ARHGAP32: variants seen among roughly 807,000 people sequenced by gnomAD.
The protein encoded by ARHGAP32 is rho GTPase-activating protein 32.
Under a neutral mutation model 186.5 loss-of-function variants are expected in ARHGAP32, and 51 were observed. The ratio of observed to expected loss-of-function variants is 0.27; its 90% CI spans 0.22 to 0.35. ARHGAP32 has a LOEUF of 0.35. Ranked by LOEUF, ARHGAP32 falls within the 10% of genes least tolerant of loss-of-function variation. The pLI is 1.00. For synonymous variants in ARHGAP32, 950 were observed against 964.3 expected, an observed-to-expected ratio of 0.99 and a Z score of 0.27; for missense variants, 2,186 against 2,623.5, an observed-to-expected ratio of 0.83 and a Z score of 3.64.
chr11:129,128,351 C>T (rs1286422813), intron 2 of ARHGAP32, among the ~76,000 whole-genome samples: 1 of 152,088 alleles, frequency 6.6e-6, no homozygotes, highest in Non-Finnish European at 1.5e-5. Context: ...AACATGTGTA[C>T]ATATTTTACT....
chr11:129,206,303 G>A (rs11221606), intron 1 of ARHGAP32, among the ~76,000 whole-genome samples: 29,452 of 151,894 alleles, frequency 0.19, 3,049 homozygotes, highest in Non-Finnish European at 0.22. Context: ...CATCAACCTC[G>A]TGGGCTTAAG....
intron 5 of ARHGAP32, among the ~76,000 whole-genome samples, chr11:129,100,162 C>T (rs1941852444): frequency 6.6e-6 from 1 of 152,186 alleles, no homozygotes; most frequent in Admixed American, 6.5e-5. Context: ...CAGGAGCATC[C>T]ATAGCAGAGC....
intron 5 of ARHGAP32, among the ~76,000 whole-genome samples, chr11:129,113,693 C>G (rs1313017657): frequency 1.3e-5 from 2 of 151,974 alleles, no homozygotes; most frequent in Non-Finnish European, 2.9e-5. Flanking sequence ...AGTTCAAACC[C>G]ATGTTGTTCA....
intron 6 of ARHGAP32, among the ~76,000 whole-genome samples, chr11:129,089,470 G>C (rs958815833): frequency 6.6e-6 from 1 of 152,218 alleles, no homozygotes. Context: ...CAAGAGCACA[G>C]TGTGAACGGA....
Position 128,974,187 on chromosome 11 carries a change from T to G in ARHGAP32, c.3010A>C (p.Lys1004Gln). 1 of 1,614,236 alleles carries G rather than the reference T, an allele frequency of 6.2e-7. No homozygotes were observed. Among genetic ancestry groups the G allele is most frequent in the East Asian group, 2.2e-5 (1 of 44,888 alleles). The stretch of plus-strand genomic sequence containing the variant: ...CTGCTTGAGACAGACTGATCCTCTT[T>G]CCCTGGCAATTCTACTTCTTCAGCA... ...VAAEEVELPG[K>Q]EDQSVSSSQS... is the part of the protein sequence containing the mutation. Residue 1004 changes from lysine to glutamine, a missense_variant, in exon 21 of 23, where the codon AAA becomes CAA. Physicochemically the swap from Lys to Gln is moderately conservative, Grantham distance 53. This residue lies in a region of ARHGAP32 where 1,502 missense variants were observed against 1,570.0 expected (regional missense o/e 0.96). Transcript: ENST00000682385.
intron 5 of ARHGAP32, among the ~76,000 whole-genome samples, chr11:129,110,238 A>T (rs906901192): frequency 2.6e-5 from 4 of 152,100 alleles, no homozygotes; most frequent in African/African-American, 9.7e-5. Context: ...ACTTTATAAA[A>T]AAAATTTGGC....
Position 129,190,971 on chromosome 11 carries a change from A to G in ARHGAP32, c.116+1112T>C, listed in dbSNP as rs931376433. The stretch of plus-strand genomic sequence containing the variant: ...TTTATACTCTGAAAATTATTCTTTT[A>G]AAATTTTAAATATACTTCTCATTTA... On this transcript the variant is annotated intron_variant, in intron 1 of 22. Coordinates refer to ENST00000682385, the MANE Select transcript of ARHGAP32 (RefSeq NM_001378024.1). Among the ~76,000 whole-genome samples, 4 of 152,250 alleles carry G rather than the reference A, an allele frequency of 2.6e-5. No individual in the cohort carries two copies. The East Asian group carries it at 5.8e-4, about 22-fold the overall frequency.
At chr11:129,092,886 T>G (rs1476496702) in intron 6 of ARHGAP32, among the ~76,000 whole-genome samples, 1 of 152,006 alleles carries the variant, frequency 6.6e-6, no homozygotes, top group Non-Finnish European at 1.5e-5. Context: ...TTCTTTACAA[T>G]GACTAATTCA....
intron 5 of ARHGAP32, among the ~76,000 whole-genome samples, chr11:129,097,724 AAGAG>A (rs1941776142): frequency 2.0e-5 from 3 of 152,322 alleles, no homozygotes; most frequent in South Asian, 4.1e-4. Flanking sequence ...AGAATAAAAA[AAGAG>A]AGAGAAGGGA....
chr11:129,213,421 A>G (rs1186336134), intron 1 of ARHGAP32, among the ~76,000 whole-genome samples: 1 of 152,164 alleles, frequency 6.6e-6, no homozygotes, highest in Non-Finnish European at 1.5e-5. Flanking sequence ...ACAGCCGGTA[A>G]TAATATGAGA....
intron 10 of ARHGAP32, among the ~76,000 whole-genome samples, chr11:129,059,727 T>C (rs1188907027): frequency 6.6e-6 from 1 of 152,068 alleles, no homozygotes; most frequent in Non-Finnish European, 1.5e-5. Flanking sequence ...CTTGAACTCC[T>C]GACCTCATGA....
chr11:129,228,400 A>G (rs772598557), intron 1 of ARHGAP32, among the ~76,000 whole-genome samples: 1 of 152,228 alleles, frequency 6.6e-6, no homozygotes, highest in Non-Finnish European at 1.5e-5. Context: ...AAATAAGAGT[A>G]AAATCAACAA....
intron 1 of ARHGAP32, among the ~76,000 whole-genome samples, chr11:129,212,776 C>T (rs1192484526): frequency 1.3e-5 from 2 of 152,084 alleles, no homozygotes. Context: ...CCAATTTGAT[C>T]ATTAAACATT....
intron 6 of ARHGAP32, among the ~76,000 whole-genome samples, chr11:129,088,995 CAAAAAAAAAAAAAA>C (rs10601798): frequency 1.2e-5 from 1 of 84,768 alleles, no homozygotes; most frequent in Non-Finnish European, 2.4e-5. Flanking sequence ...GAGACCTTGT[CAAAAAAAAAAAAAA>C]AAAAAAAAAG....
chr11:129,191,544 G>A (rs893588612), intron 1 of ARHGAP32, among the ~76,000 whole-genome samples: 9 of 152,022 alleles, frequency 5.9e-5, no homozygotes, highest in Admixed American at 2.0e-4. Context: ...TTGGGGGAAA[G>A]GGGGCATGAG....
intron 11 of ARHGAP32, among the ~76,000 whole-genome samples, chr11:129,032,857 G>A (rs12804686): frequency 0.033 from 5,008 of 152,208 alleles, 121 homozygotes; most frequent in South Asian, 0.082. Flanking sequence ...TGACATTTCC[G>A]TATAATTCCC....
intron 11 of ARHGAP32, among the ~76,000 whole-genome samples, chr11:129,035,841 C>T (rs895103228): frequency 6.7e-6 from 1 of 150,222 alleles, no homozygotes; most frequent in Admixed American, 6.6e-5. Context: ...AAGACTCCAT[C>T]AAAAAAAGAA....
intron 1 of ARHGAP32, among the ~76,000 whole-genome samples, chr11:129,183,309 CAA>C (rs1483143434): frequency 6.6e-6 from 1 of 152,026 alleles, no homozygotes. Context: ...CTTTTTCCTA[CAA>C]AGTTTCTTGG....
At chr11:129,021,936 C>T (rs1174120042) in intron 11 of ARHGAP32, among the ~76,000 whole-genome samples, 1 of 151,914 alleles carries the variant, frequency 6.6e-6, no homozygotes, top group African/African-American at 2.4e-5. Flanking sequence ...ATTCCTGACA[C>T]TTAAAGTATT....
Sources: allele counts gnomAD v4.1 joint callset (sites outside exome capture counted in the v4.1 genomes callset), GRCh38; gene constraint gnomAD v4.1.1; regional missense constraint gnomAD v4.1.1; transcripts MANE v1.5; gene names NCBI Gene and HGNC (gene_info 2026-07-23, HGNC 2026-07-21).